Variants in LRBA observed in about 807,000 individuals in gnomAD.
LRBA encodes the protein lipopolysaccharide-responsive and beige-like anchor protein.
In LRBA, 176 loss-of-function variants were observed where a neutral mutation model predicts 330.0. The ratio of observed to expected loss-of-function variants is 0.53; its 90% CI spans 0.47 to 0.60. The LOEUF is 0.60. Among genes scored for constraint, LRBA ranks in the 20% least tolerant of loss-of-function variants. The probability of loss-of-function intolerance (pLI) is 0.00; values close to 1 mark genes in which losing one functional copy is unlikely to be tolerated. For synonymous variants in LRBA, 1,230 were observed against 1,193.0 expected, an observed-to-expected ratio of 1.03 and a Z score of -0.64; for missense variants, 3,259 against 3,444.8, an observed-to-expected ratio of 0.95 and a Z score of 1.35.
At chr4:150,502,406 T>C (rs1156975451) in intron 40 of LRBA, among the ~76,000 whole-genome samples, 2 of 152,096 alleles carry the variant, frequency 1.3e-5, no homozygotes, top group Admixed American at 1.3e-4. Flanking sequence ...AATGCAAAAA[T>C]ATCCACCACA....
chr4:150,965,075 A>G (rs750958721), intron 2 of LRBA, among the ~76,000 whole-genome samples: 7 of 152,340 alleles, frequency 4.6e-5, no homozygotes, highest in Non-Finnish European at 1.0e-4. Flanking sequence ...GCAGTTTGGC[A>G]ATATAAACCA....
intron 15 of LRBA, among the ~76,000 whole-genome samples, 182 bp from the exon 16 acceptor site, chr4:150,896,638 G>A (rs773196513): frequency 1.4e-4 from 22 of 152,086 alleles, no homozygotes; most frequent in Non-Finnish European, 2.8e-4. Flanking sequence ...TCCAGAACAT[G>A]TAGAGGTCAA....
chr4:150,853,856 C>T (rs1381586034), intron 22 of LRBA, among the ~76,000 whole-genome samples: 1 of 152,014 alleles, frequency 6.6e-6, no homozygotes, highest in Non-Finnish European at 1.5e-5. Context: ...AAGTATTAGC[C>T]TAATTATAGT....
intron 54 of LRBA, among the ~76,000 whole-genome samples, chr4:150,284,954 C>T (rs1389834946): frequency 6.6e-6 from 1 of 152,148 alleles, no homozygotes; most frequent in Admixed American, 6.5e-5. Flanking sequence ...AAAAGATGAC[C>T]TGTAATATAT....
At chr4:150,522,729 T>C (rs1454252401) in intron 40 of LRBA, among the ~76,000 whole-genome samples, 2 of 152,212 alleles carry the variant, frequency 1.3e-5, no homozygotes, top group Non-Finnish European at 2.9e-5. Flanking sequence ...ACATAAGTGA[T>C]AAGCCTCAGT....
At chr4:150,889,086 A>C (rs772705713) in intron 17 of LRBA, among the ~76,000 whole-genome samples, 2 of 152,202 alleles carry the variant, frequency 1.3e-5, no homozygotes, top group African/African-American at 4.8e-5. Context: ...AATTTCCTTC[A>C]TCCCTGGGGC....
intron 36 of LRBA, among the ~76,000 whole-genome samples, chr4:150,689,549 G>A (rs1412673172): frequency 6.6e-6 from 1 of 151,198 alleles, no homozygotes; most frequent in African/African-American, 2.4e-5. Flanking sequence ...CTCTATTAAA[G>A]AAATTGAACT....
intron 35 of LRBA, among the ~76,000 whole-genome samples, chr4:150,752,589 C>T (rs1733709139): frequency 6.6e-6 from 1 of 152,032 alleles, no homozygotes; most frequent in Non-Finnish European, 1.5e-5. Flanking sequence ...AGGCAGTATC[C>T]TTGATCAGAG....
chr4:150,508,240 AGGGG>A (rs34288480), intron 40 of LRBA, among the ~76,000 whole-genome samples: 23 of 64,980 alleles, frequency 3.5e-4, no homozygotes, highest in Non-Finnish European at 5.4e-4. Flanking sequence ...TTAAAAAAAA[AGGGG>A]GGGGGGGGGA....
chr4:150,824,020 G>A (rs1202625880), intron 30 of LRBA, among the ~76,000 whole-genome samples: 1 of 152,074 alleles, frequency 6.6e-6, no homozygotes, highest in Non-Finnish European at 1.5e-5. Context: ...ATTGCTTTGG[G>A]TAGCATGAAC....
intron 48 of LRBA, among the ~76,000 whole-genome samples, chr4:150,329,613 CT>C (rs1224825880): frequency 6.6e-6 from 1 of 151,836 alleles, no homozygotes; most frequent in African/African-American, 2.4e-5. Flanking sequence ...GAAATTTTTT[CT>C]ACTGGGCCTC....
intron 36 of LRBA, among the ~76,000 whole-genome samples, chr4:150,705,952 C>T (rs1161712464): frequency 2.0e-5 from 3 of 151,774 alleles, no homozygotes; most frequent in Non-Finnish European, 4.4e-5. Flanking sequence ...GACAAGGAAA[C>T]GTAATTACAA....
intron 17 of LRBA, among the ~76,000 whole-genome samples, chr4:150,876,872 G>A (rs1256313823): frequency 6.6e-6 from 1 of 152,198 alleles, no homozygotes. Flanking sequence ...TTAACTATGA[G>A]TGTAAATGGT....
At chr4:150,870,281 T>C (rs1016509951) in intron 20 of LRBA, among the ~76,000 whole-genome samples, 42 of 152,190 alleles carry the variant, frequency 2.8e-4, no homozygotes, top group Non-Finnish European at 7.3e-5. Context: ...TCTGAACATA[T>C]ATTACATCAA....
At chr4:150,914,054 G>A (rs528701075) in intron 9 of LRBA, 141 bp downstream of exon 9, 1 of 584,100 alleles carries the variant, frequency 1.7e-6, no homozygotes, top group Non-Finnish European at 2.9e-6. Context: ...ATTGACTATA[G>A]TCACCCTGCT....
chr4:150,815,261 C>CT (rs1297190512), intron 31 of LRBA, among the ~76,000 whole-genome samples: 7 of 147,282 alleles, frequency 4.8e-5, no homozygotes, highest in African/African-American at 1.0e-4. Flanking sequence ...ACAGTTGATT[C>CT]TTTTTTTTTA....
intron 37 of LRBA, among the ~76,000 whole-genome samples, chr4:150,657,159 G>A (rs1350916212): frequency 6.6e-6 from 1 of 152,068 alleles, no homozygotes; most frequent in African/African-American, 2.4e-5. Flanking sequence ...ATGATGAACA[G>A]CAATCCATAA....
At chr4:150,471,416 C>T (rs1189009099) in intron 43 of LRBA, among the ~76,000 whole-genome samples, 1 of 152,150 alleles carries the variant, frequency 6.6e-6, no homozygotes, top group Non-Finnish European at 1.5e-5. Context: ...TCCCCTTGCT[C>T]TAGAATCATG....
chr4:150,331,808 T>A (rs745964088), intron 48 of LRBA, among the ~76,000 whole-genome samples: 5 of 152,158 alleles, frequency 3.3e-5, no homozygotes, highest in Non-Finnish European at 5.9e-5. Flanking sequence ...TCCAAATCCT[T>A]ACCCTGGGTA....
Sources: allele counts gnomAD v4.1 joint callset (sites outside exome capture counted in the v4.1 genomes callset), GRCh38; gene constraint gnomAD v4.1.1; transcripts MANE v1.5; gene names NCBI Gene and HGNC (gene_info 2026-07-23, HGNC 2026-07-21).